Variants in SNX18 observed in about 807,000 individuals in gnomAD.
The protein encoded by SNX18 is sorting nexin 18.
SNX18 carries 35 observed loss-of-function variants against 48.7 expected under a neutral mutation model. The observed-to-expected ratio is 0.72, with a 90% CI of 0.55 to 0.95. The LOEUF is 0.95. Ranked by LOEUF, SNX18 falls within the 40% of genes least tolerant of loss-of-function variation. SNX18 has a pLI of 0.00. For synonymous variants in SNX18, 492 were observed against 384.7 expected (o/e 1.28, Z -3.26); for missense variants, 824 against 871.0 (o/e 0.95, Z 0.68).
chr5:54,579,042 C>G, the SNX18 span, among the ~76,000 whole-genome samples: 1 of 152,096 alleles, frequency 6.6e-6, no homozygotes, highest in Admixed American at 6.6e-5. Flanking sequence ...ACCCTGATGT[C>G]AAGAACCATC....
the SNX18 span, among the ~76,000 whole-genome samples, chr5:54,564,457 T>A: frequency 6.6e-6 from 1 of 152,254 alleles, no homozygotes; most frequent in African/African-American, 2.4e-5. Flanking sequence ...TTTCAATTAC[T>A]GCTGTAACAG....
In SNX18 at chr5:54,518,976, G is replaced by C; in HGVS notation, c.1024G>C (p.Gly342Arg). Residue 342 changes from glycine to arginine, a missense_variant, in exon 1 of 2, where the codon GGC becomes CGC. By Grantham distance (125) the Gly-to-Arg change is moderately radical. Transcript: ENST00000381410. ...CCACCTGCCCGAGAAGCAGGCCACC[G>C]GCCGCTTCGAGGAGGACTTCATCTC... ...VPHLPEKQAT[G>R]RFEEDFISKR... The C allele has an allele frequency of 6.2e-7, 1 of 1,613,624 alleles. No individual in the cohort carries two copies. Among genetic ancestry groups the C allele is most frequent in the Non-Finnish European group, 8.5e-7 (1 of 1,179,972 alleles).
the SNX18 span, among the ~76,000 whole-genome samples, chr5:54,641,885 G>T: frequency 1.3e-5 from 2 of 152,130 alleles, no homozygotes; most frequent in African/African-American, 4.8e-5. Flanking sequence ...TCCTTGCTGA[G>T]TCAAAAATAT....
chr5:54,519,657 G>A, intron 1 of SNX18, 84 bp downstream of exon 1: 3 of 1,614,218 alleles, frequency 1.9e-6, no homozygotes, highest in African/African-American at 1.3e-5. Context: ...ACCACTGTGG[G>A]TTTCAGAATC....
In SNX18 at chr5:54,526,250, A is replaced by G. The variant is rs372832973; in HGVS notation, c.1621+6677A>G. 5.3e-5 allele frequency among the ~76,000 whole-genome samples: 8 copies of G among 152,248 alleles called. No homozygotes were observed. In the East Asian group the frequency reaches 1.4e-3, roughly 26 times the overall value. ...CGCCCGAGTAACTGGGATTACAGGC[A>G]TGTGCCACCATGCTTGGCTAACTTT... is the stretch of plus-strand genomic sequence containing the variant. On this transcript the variant is annotated intron_variant, in intron 1 of 1. Transcript: ENST00000381410.
At chr5:54,566,412 G>A in the SNX18 span, among the ~76,000 whole-genome samples, 1 of 152,188 alleles carries the variant, frequency 6.6e-6, no homozygotes, top group Non-Finnish European at 1.5e-5. Flanking sequence ...ATGATTAAAT[G>A]CCAGCCAGTA....
At chr5:54,647,456 G>A in the SNX18 span, among the ~76,000 whole-genome samples, 4 of 152,180 alleles carry the variant, frequency 2.6e-5, no homozygotes, top group Non-Finnish European at 5.9e-5. Flanking sequence ...TAGAGGAGAG[G>A]AAAGAACAGA....
the SNX18 span, among the ~76,000 whole-genome samples, chr5:54,576,035 T>A: frequency 1.3e-5 from 2 of 152,202 alleles, no homozygotes; most frequent in African/African-American, 4.8e-5. Context: ...AAAACATATA[T>A]GCTTTGCTCC....
the SNX18 span, among the ~76,000 whole-genome samples, chr5:54,597,049 G>A: frequency 6.6e-6 from 1 of 152,200 alleles, no homozygotes; most frequent in South Asian, 2.1e-4. Context: ...AAAATAAAAG[G>A]ATGGAAGAAA....
chr5:54,632,987 A>C, the SNX18 span, among the ~76,000 whole-genome samples: 2 of 151,880 alleles, frequency 1.3e-5, no homozygotes, highest in Admixed American at 6.6e-5. Flanking sequence ...GTTGGCCAGG[A>C]TGGTCTCGAT....
the SNX18 span, among the ~76,000 whole-genome samples, chr5:54,589,549 G>T: frequency 3.1e-4 from 47 of 152,306 alleles, no homozygotes; most frequent in Non-Finnish European, 5.4e-4. Flanking sequence ...ATTTCAAAAT[G>T]AAGAAAGAAT....
chr5:54,596,149 C>T, the SNX18 span, among the ~76,000 whole-genome samples: 1 of 152,188 alleles, frequency 6.6e-6, no homozygotes, highest in Non-Finnish European at 1.5e-5. Flanking sequence ...AGAACCATTC[C>T]AGAGTCTTGG....
the SNX18 span, among the ~76,000 whole-genome samples, chr5:54,587,901 G>T: frequency 7.9e-5 from 12 of 152,270 alleles, no homozygotes; most frequent in African/African-American, 2.6e-4. Flanking sequence ...TTAGATGTGG[G>T]CATAAGATGA....
chr5:54,522,660 CT>C (rs1409631996), intron 1 of SNX18, among the ~76,000 whole-genome samples: 1 of 152,160 alleles, frequency 6.6e-6, no homozygotes, highest in Non-Finnish European at 1.5e-5. Context: ...GTGAGCATCT[CT>C]TGCAGTGTGC....
At chr5:54,575,368 CTTTTTTTT>C in the SNX18 span, among the ~76,000 whole-genome samples, 5 of 111,742 alleles carry the variant, frequency 4.5e-5, no homozygotes, top group Non-Finnish European at 8.9e-5. Context: ...CTCCCCACTG[CTTTTTTTT>C]TTTTTTTTTT....
chr5:54,525,454 A>G (rs1329042292), intron 1 of SNX18, among the ~76,000 whole-genome samples: 4 of 152,070 alleles, frequency 2.6e-5, no homozygotes, highest in East Asian at 1.9e-4. Context: ...CTGGCAACCT[A>G]TTGCCACCAG....
chr5:54,632,437 GTCC>G, the SNX18 span, among the ~76,000 whole-genome samples: 1 of 152,210 alleles, frequency 6.6e-6, no homozygotes, highest in Non-Finnish European at 1.5e-5. Flanking sequence ...TGCAAACAGA[GTCC>G]CAGCTTGTCT....
chr5:54,517,768 TG>T lies in SNX18; in HGVS notation c.-184del. 2.3e-6 allele frequency: 1 copy of T among 432,824 alleles called. No individual in the cohort carries two copies. The highest frequency in any genetic ancestry group is 6.9e-4 in the Middle Eastern group (1 of 1,442). 26.8% of individuals were successfully genotyped at this position (432,824 alleles called of 1,614,324 possible). A position where few individuals can be genotyped will look rare whatever the true frequency, so the allele number is the denominator to read the frequency against. On this transcript the variant is annotated 5_prime_UTR_variant, in exon 1 of 2. Transcript: ENST00000381410. ...GGCGGCCCAGCGCGGCAGTCGGCGC[TG>T]CGAAGTGGAGGCGCTGCGAGCGGAG...
the SNX18 span, among the ~76,000 whole-genome samples, chr5:54,594,760 A>T: frequency 1.3e-5 from 2 of 152,156 alleles, no homozygotes; most frequent in Admixed American, 1.3e-4. Flanking sequence ...GTTTTGGGGT[A>T]CGATTGATCC....
Sources: gnomAD v4.1 joint callset for allele counts (sites outside exome capture counted in the v4.1 genomes callset) on GRCh38, gnomAD v4.1.1 for gene constraint, MANE v1.5 for transcripts, NCBI Gene and HGNC (gene_info 2026-07-23, HGNC 2026-07-21) for gene names.